Variants in AGPAT4 observed in about 807,000 individuals in gnomAD.
AGPAT4 encodes 1-acyl-sn-glycerol-3-phosphate acyltransferase delta.
Under a neutral mutation model 48.0 loss-of-function variants are expected in AGPAT4, and 15 were observed. The ratio of observed to expected loss-of-function variants is 0.31; its 90% CI spans 0.21 to 0.48. The LOEUF is 0.48. Among genes scored for constraint, AGPAT4 ranks in the 20% least tolerant of loss-of-function variants. AGPAT4 has a pLI of 0.99. For missense variants in AGPAT4, 314 were observed against 482.5 expected, an observed-to-expected ratio of 0.65 and a Z score of 3.27; for synonymous variants, 178 against 198.7, an observed-to-expected ratio of 0.90 and a Z score of 0.88.
rs564108248 is a variant in AGPAT4 at position 161,164,050 on chromosome 6, C to T, written c.348+2198G>A. ...ATCAAGGGGAGGTGCGGTCCCTATG[C>T]TGCAGGTGGGATGGGCGTGCTGTTG... On this transcript the variant is annotated intron_variant, in intron 3 of 8. Coordinates refer to ENST00000320285, the MANE Select transcript of AGPAT4 (RefSeq NM_020133.3). The surrounding 1 kb of genome is among the most constrained non-coding windows in gnomAD (Gnocchi z 7.4). Among the ~76,000 whole-genome samples, 100 of 152,326 alleles carry T rather than the reference C, an allele frequency of 6.6e-4. No homozygotes were observed. Among genetic ancestry groups the T allele is most frequent in the Non-Finnish European group, 5.0e-4 (34 of 68,020 alleles).
chr6:161,246,192 G>A lies in AGPAT4; in HGVS notation c.-89-13890C>T, dbSNP rs1782641444. ...ATCAAGCTCAGAGCAAAAGATGCTTGGAGAAGTGATGAGGTTCTTTCCAAC... is the reference window on the plus strand; with the variant it reads ...ATCAAGCTCAGAGCAAAAGATGCTTAGAGAAGTGATGAGGTTCTTTCCAAC... On this transcript the variant is annotated intron_variant, in intron 1 of 8. Transcript: ENST00000320285. The surrounding 1 kb of genome is among the most constrained non-coding windows in gnomAD (Gnocchi z 5.5). Among the ~76,000 whole-genome samples, 1 of 152,158 alleles carries A rather than the reference G, an allele frequency of 6.6e-6. No individual in the cohort carries two copies. Among genetic ancestry groups the A allele is most frequent in the Non-Finnish European group, 1.5e-5 (1 of 68,022 alleles).
chr6:161,219,134 T>C lies in AGPAT4; in HGVS notation c.178+12902A>G, dbSNP rs1451366631. On this transcript the variant is annotated intron_variant, in intron 2 of 8. Transcript: ENST00000320285. The surrounding 1 kb of genome is among the most constrained non-coding windows in gnomAD (Gnocchi z 4.9). ...TAGGATTTCCTTGCTTTAGAGCTTG[T>C]TTTCATAAAACTATTTCCCCCTTAC... 6.6e-6 allele frequency among the ~76,000 whole-genome samples: 1 copy of C among 152,140 alleles called. No homozygotes were observed. Among genetic ancestry groups the C allele is most frequent in the African/African-American group, 2.4e-5 (1 of 41,430 alleles).
chr6:161,255,806 G>A lies in AGPAT4; in HGVS notation c.-90+18132C>T, dbSNP rs578071797. On this transcript the variant is annotated intron_variant, in intron 1 of 8. Coordinates refer to ENST00000320285, the MANE Select transcript of AGPAT4 (RefSeq NM_020133.3). The surrounding 1 kb of genome is among the most constrained non-coding windows in gnomAD (Gnocchi z 4.7). ...CTCAAAGTAGATAGTGGTGATGGTCGCACAACCATGAATATACAAAAAGCC... is the reference window on the plus strand; with the variant it reads ...CTCAAAGTAGATAGTGGTGATGGTCACACAACCATGAATATACAAAAAGCC... 1.2e-4 allele frequency among the ~76,000 whole-genome samples: 18 copies of A among 152,096 alleles called. No homozygotes were observed. The highest frequency in any genetic ancestry group is 3.1e-4 in the African/African-American group (13 of 41,466).
At position 161,138,580 on chromosome 6, in the gene AGPAT4, C is replaced by T. The variant is rs1417499821; in HGVS notation, c.1042+842G>A. ...CTCCTGACACACTTTCCATTTTCTG[C>T]GCTTGTCTATTGCTTGGGCCTTTTA... On this transcript the variant is annotated intron_variant, in intron 8 of 8. Transcript: ENST00000320285. This position sits in a 1 kb window ranked among gnomAD's most constrained non-coding sequence, Gnocchi z 4.8. Among the ~76,000 whole-genome samples the T allele has an allele frequency of 1.3e-5, 2 of 152,136 alleles. No individual in the cohort carries two copies. The highest frequency in any genetic ancestry group is 2.4e-5 in the African/African-American group (1 of 41,426).
In AGPAT4 at chr6:161,155,644, T is replaced by C. The variant is rs934502859; in HGVS notation, c.349-1334A>G. Among the ~76,000 whole-genome samples, 6 of 152,214 alleles carry C rather than the reference T, an allele frequency of 3.9e-5. No homozygotes were observed. Among genetic ancestry groups the C allele is most frequent in the South Asian group, 2.1e-4 (1 of 4,828 alleles). Reference sequence around the variant, plus strand: ...TAGCATCTCCATTTTCTGATGGAGTTTGTTTTTCACACAAATCCAACATGC... The same window carrying C: ...TAGCATCTCCATTTTCTGATGGAGTCTGTTTTTCACACAAATCCAACATGC... On this transcript the variant is annotated intron_variant, in intron 3 of 8. Coordinates refer to ENST00000320285, the MANE Select transcript of AGPAT4 (RefSeq NM_020133.3). The surrounding 1 kb of genome is among the most constrained non-coding windows in gnomAD (Gnocchi z 5.8).
In AGPAT4 at chr6:161,138,250, A is replaced by T. The variant is rs1198496165; in HGVS notation, c.1042+1172T>A. Among the ~76,000 whole-genome samples the T allele has an allele frequency of 6.6e-6, 1 of 152,180 alleles. No homozygotes were observed. Among genetic ancestry groups the T allele is most frequent in the African/African-American group, 2.4e-5 (1 of 41,442 alleles). On this transcript the variant is annotated intron_variant, in intron 8 of 8. Transcript: ENST00000320285. The surrounding 1 kb of genome is among the most constrained non-coding windows in gnomAD (Gnocchi z 4.8). ...GTGTGGGTGTTGTTTTAATATTTTA[A>T]TTTTTAACACTAAAATACATCTTAA...
chr6:161,136,691 T>C, intron 8 of AGPAT4, 57 bp from the exon 9 acceptor site: 1 of 1,502,874 alleles, frequency 6.7e-7, no homozygotes, highest in Non-Finnish European at 9.3e-7. Flanking sequence ...CAGGGCCGTT[T>C]TCCCACAGAG....
rs1782184357 is a variant in AGPAT4, at chr6:161,233,458, T to G, written c.-89-1156A>C. On this transcript the variant is annotated intron_variant, in intron 1 of 8. Transcript: ENST00000320285. This position sits in a 1 kb window ranked among gnomAD's most constrained non-coding sequence, Gnocchi z 5.4. ...GAGAGGCCCTAAAATTGTTACAATC[T>G]TTTTTAATAATGAACAATCTGTATA... Among the ~76,000 whole-genome samples the G allele has an allele frequency of 6.6e-6, 1 of 152,210 alleles. No individual in the cohort carries two copies. Among genetic ancestry groups the G allele is most frequent in the African/African-American group, 2.4e-5 (1 of 41,448 alleles).
intron 1 of AGPAT4, among the ~76,000 whole-genome samples, chr6:161,239,083 T>C (rs1278844087): frequency 6.6e-6 from 1 of 152,192 alleles, no homozygotes; most frequent in Non-Finnish European, 1.5e-5. Flanking sequence ...GCACTGAATT[T>C]CTCAGGTACC....
chr6:161,208,803 C>A lies in AGPAT4; in HGVS notation c.178+23233G>T, dbSNP rs1299633132. ...GGCACAATAAAATTTGATTTGAAGTCTATCAATTCATAATTTGTAACAATT... is the reference window on the plus strand; with the variant it reads ...GGCACAATAAAATTTGATTTGAAGTATATCAATTCATAATTTGTAACAATT... On this transcript the variant is annotated intron_variant, in intron 2 of 8. Coordinates refer to ENST00000320285, the MANE Select transcript of AGPAT4 (RefSeq NM_020133.3). The surrounding 1 kb of genome is among the most constrained non-coding windows in gnomAD (Gnocchi z 4.6). 1.3e-5 allele frequency among the ~76,000 whole-genome samples: 2 copies of A among 152,132 alleles called. No homozygotes were observed. Among genetic ancestry groups the A allele is most frequent in the East Asian group, 3.9e-4 (2 of 5,192 alleles).
At chr6:161,170,469 G>A (rs893749088) in intron 2 of AGPAT4, among the ~76,000 whole-genome samples, 240 of 121,558 alleles carry the variant, frequency 2.0e-3, no homozygotes, top group African/African-American at 7.0e-3. Flanking sequence ...ACACGTGCGC[G>A]CGCGCACACA....
chr6:161,167,757 G>T (rs762780360), intron 2 of AGPAT4, among the ~76,000 whole-genome samples: 1 of 152,208 alleles, frequency 6.6e-6, no homozygotes, highest in Non-Finnish European at 1.5e-5. Flanking sequence ...CAGTTTTTAC[G>T]CAGTGAGCAC....
chr6:161,177,653 T>C lies in AGPAT4; in HGVS notation c.179-11236A>G, dbSNP rs1358213466. ...CGTCTGAAGCCTTCTTTTCTCAACA[T>C]GTCAAAGTCATTCTCCGTCCAGCTT... On this transcript the variant is annotated intron_variant, in intron 2 of 8. Coordinates refer to ENST00000320285, the MANE Select transcript of AGPAT4 (RefSeq NM_020133.3). This position sits in a 1 kb window ranked among gnomAD's most constrained non-coding sequence, Gnocchi z 5.0. 6.6e-6 allele frequency among the ~76,000 whole-genome samples: 1 copy of C among 152,230 alleles called. No individual in the cohort carries two copies. The highest frequency in any genetic ancestry group is 1.5e-5 in the Non-Finnish European group (1 of 68,030).
At position 161,264,718 on chromosome 6, in the gene AGPAT4, A is replaced by T. The variant is rs1333540109; in HGVS notation, c.-90+9220T>A. 6.6e-6 allele frequency among the ~76,000 whole-genome samples: 1 copy of T among 152,136 alleles called. No individual in the cohort carries two copies. Among genetic ancestry groups the T allele is most frequent in the East Asian group, 1.9e-4 (1 of 5,190 alleles). Reference sequence around the variant, plus strand: ...GCACGGGCTCCCTAAGAAACGCTGAAAGGGGATTCTGGAGTTGGGTGGGGA... The same window carrying T: ...GCACGGGCTCCCTAAGAAACGCTGATAGGGGATTCTGGAGTTGGGTGGGGA... On this transcript the variant is annotated intron_variant, in intron 1 of 8. Transcript: ENST00000320285. This position sits in a 1 kb window ranked among gnomAD's most constrained non-coding sequence, Gnocchi z 6.8.
At chr6:161,265,819 C>A (rs144781615) in intron 1 of AGPAT4, among the ~76,000 whole-genome samples, 26 of 152,228 alleles carry the variant, frequency 1.7e-4, no homozygotes, top group African/African-American at 6.0e-4. Context: ...AGCATGACCC[C>A]CACGCAGACT....
rs1282369756 is a variant in AGPAT4, at chr6:161,232,243, A to G, written c.-30T>C. The G allele has an allele frequency of 6.3e-7, 1 of 1,593,910 alleles. No individual in the cohort carries two copies. The highest frequency in any genetic ancestry group is 8.6e-7 in the Non-Finnish European group (1 of 1,167,132). On this transcript the variant is annotated 5_prime_UTR_variant, in exon 2 of 9. Transcript: ENST00000320285. This position sits in a 1 kb window ranked among gnomAD's most constrained non-coding sequence, Gnocchi z 6.8. The stretch of plus-strand genomic sequence containing the variant: ...CGTGGACGCTCTTATTCAGAAATAA[A>G]TAACTACCCACAGTCAAAGATTTCC...
chr6:161,243,077 T>C lies in AGPAT4; in HGVS notation c.-89-10775A>G, dbSNP rs1224837160. Among the ~76,000 whole-genome samples, 2 of 152,022 alleles carry C rather than the reference T, an allele frequency of 1.3e-5. No homozygotes were observed. The highest frequency in any genetic ancestry group is 4.8e-5 in the African/African-American group (2 of 41,362). ...GACTCTGTCTCAAAAAAATTTTTTTTTAATTTAAAAAAAAATGAAACTTTT... is the reference window on the plus strand; with the variant it reads ...GACTCTGTCTCAAAAAAATTTTTTTCTAATTTAAAAAAAAATGAAACTTTT... On this transcript the variant is annotated intron_variant, in intron 1 of 8. Coordinates refer to ENST00000320285, the MANE Select transcript of AGPAT4 (RefSeq NM_020133.3). The surrounding 1 kb of genome is among the most constrained non-coding windows in gnomAD (Gnocchi z 4.8).
chr6:161,258,749 A>T (rs558620883), intron 1 of AGPAT4, among the ~76,000 whole-genome samples: 1 of 152,146 alleles, frequency 6.6e-6, no homozygotes, highest in African/African-American at 2.4e-5. Flanking sequence ...AAGTTTAATC[A>T]CATGGCTAGA....
intron 2 of AGPAT4, among the ~76,000 whole-genome samples, chr6:161,228,058 G>T: frequency 6.6e-6 from 1 of 152,040 alleles, no homozygotes; most frequent in East Asian, 1.9e-4. Flanking sequence ...AGACACCCTC[G>T]CCACCACCGG....
Sources: gnomAD v4.1 joint callset for allele counts (sites outside exome capture counted in the v4.1 genomes callset) on GRCh38, gnomAD v4.1.1 for gene constraint, Gnocchi (gnomAD v3.1) non-coding constraint, MANE v1.5 for transcripts, NCBI Gene and HGNC (gene_info 2026-07-23, HGNC 2026-07-21) for gene names.